AKNAD1: variants seen among roughly 807,000 people sequenced by gnomAD.
The protein encoded by AKNAD1 is AKNA domain containing 1.
In AKNAD1, 67 loss-of-function variants were observed where a neutral mutation model predicts 90.8. The observed-to-expected ratio is 0.74, with a 90% CI of 0.61 to 0.90. AKNAD1 has a LOEUF of 0.90. AKNAD1 is among the 40% of genes least tolerant of loss of function. The pLI is 0.00. For synonymous variants in AKNAD1, 327 were observed against 341.4 expected (o/e 0.96, Z 0.46); for missense variants, 957 against 975.4 (o/e 0.98, Z 0.25).
chr1:108,821,526 T>G (rs1663813038), intron 13 of AKNAD1, among the ~76,000 whole-genome samples: 1 of 152,198 alleles, frequency 6.6e-6, no homozygotes, highest in African/African-American at 2.4e-5. Context: ...GCTTGCTGTG[T>G]GATCTGTGCA....
At chr1:108,828,105 AAC>A (rs946523241) in intron 10 of AKNAD1, among the ~76,000 whole-genome samples, 102 of 151,468 alleles carry the variant, frequency 6.7e-4, no homozygotes, top group African/African-American at 2.3e-3. Context: ...CAAACAAACA[AAC>A]AAACAAACAA....
intron 7 of AKNAD1, among the ~76,000 whole-genome samples, chr1:108,835,563 C>T (rs1438628456): frequency 2.6e-5 from 4 of 152,098 alleles, no homozygotes; most frequent in East Asian, 1.9e-4. Context: ...TTCAGAGTCA[C>T]GCAGAATGTA....
At chr1:108,842,228 A>G (rs905927795) in intron 6 of AKNAD1, among the ~76,000 whole-genome samples, 9 of 152,202 alleles carry the variant, frequency 5.9e-5, no homozygotes, top group African/African-American at 2.2e-4. Flanking sequence ...ACCTTGGGGA[A>G]AAAAATGCCA....
intron 5 of AKNAD1, 142 bp downstream of exon 5, chr1:108,848,610 C>A: frequency 1.4e-6 from 1 of 716,960 alleles, no homozygotes; most frequent in East Asian, 2.7e-5. Flanking sequence ...CTTTTAGCCC[C>A]CATAAACAAA....
rs762068972 is a variant in AKNAD1 at position 108,830,683 on chromosome 1, T to C, written c.1747-33A>G. 40 of 1,608,786 alleles carry C rather than the reference T, an allele frequency of 2.5e-5. 1 individual carries two copies. Among genetic ancestry groups the C allele is most frequent in the Non-Finnish European group, 3.1e-5 (37 of 1,175,526 alleles). On this transcript the variant is annotated intron_variant, in intron 9 of 15. Transcript: ENST00000370001. ...ACAAAGCACACAGATGGAGATGTGA[T>C]AGAGGATGTGACTCACGCCGCGGCT...
intron 14 of AKNAD1, chr1:108,817,394 G>A (rs1663646224): frequency 5.1e-6 from 2 of 393,176 alleles, no homozygotes; most frequent in Non-Finnish European, 9.0e-6. Flanking sequence ...TTTTCTCCCG[G>A]AATTGATCTC....
At chr1:108,850,402 C>T (rs1664815105) in intron 2 of AKNAD1, among the ~76,000 whole-genome samples, 1 of 152,140 alleles carries the variant, frequency 6.6e-6, no homozygotes, top group African/African-American at 2.4e-5. Flanking sequence ...CTCCTGCTAA[C>T]CACGGGGCAC....
intron 6 of AKNAD1, 109 bp from the exon 7 acceptor site, chr1:108,837,815 T>C: frequency 5.6e-6 from 7 of 1,250,384 alleles, no homozygotes; most frequent in Non-Finnish European, 7.9e-6. Flanking sequence ...ATGTGGCCTG[T>C]CTTCTGTCAC....
At chr1:108,845,148 CA>C (rs1664665745) in intron 5 of AKNAD1, among the ~76,000 whole-genome samples, 1 of 152,150 alleles carries the variant, frequency 6.6e-6, no homozygotes, top group South Asian at 2.1e-4. Context: ...AATGAATAAA[CA>C]AGAGTTTGGA....
Position 108,852,381 on chromosome 1 carries a change from A to C in AKNAD1, c.284T>G (p.Leu95Arg). Residue 95 changes from leucine (L) to arginine (R), a missense_variant, in exon 2 of 16, where the codon CTT (leucine) becomes CGT (arginine). Leu to Arg is a moderately radical substitution (Grantham distance 102). Coordinates refer to ENST00000370001, the MANE Select transcript of AKNAD1 (RefSeq NM_152763.5). ...GTCTCCTTCATTTGCTGGAATATGA[A>C]GAGCTGCAGTGCATTGTTTCTCTTT... Reference protein sequence around the residue: ...DEKEKQCTAALHIPANEGDAS... With the variant: ...DEKEKQCTAARHIPANEGDAS... 1 of 1,614,058 alleles carries C rather than the reference A, an allele frequency of 6.2e-7. No homozygotes were observed. Among genetic ancestry groups the C allele is most frequent in the Non-Finnish European group, 8.5e-7 (1 of 1,179,996 alleles).
Position 108,852,760 on chromosome 1 carries a change from G to T in AKNAD1, c.-96C>A. 2 of 1,146,696 alleles carry T rather than the reference G, an allele frequency of 1.7e-6. No homozygotes were observed. Among genetic ancestry groups the T allele is most frequent in the Non-Finnish European group, 2.4e-6 (2 of 829,564 alleles). The allele number at this position is 1,146,696 out of a possible 1,614,324, so 71.0% of individuals were successfully genotyped here. On this transcript the variant is annotated 5_prime_UTR_variant, in exon 2 of 16. Coordinates refer to ENST00000370001, the MANE Select transcript of AKNAD1 (RefSeq NM_152763.5). ...GGTTCTCACTGACTGTCTTCACTGT[G>T]TGCTATTCTGTGTGAAATGAGAACA...
chr1:108,844,667 C>T (rs889356696), intron 5 of AKNAD1, among the ~76,000 whole-genome samples: 8 of 152,006 alleles, frequency 5.3e-5, no homozygotes, highest in Non-Finnish European at 1.2e-4. Flanking sequence ...GTCACTTACT[C>T]ATTGTATGAT....
At chr1:108,817,279 G>T in intron 14 of AKNAD1, 102 bp from the exon 15 acceptor site, 2 of 1,486,976 alleles carry the variant, frequency 1.3e-6, no homozygotes, top group Non-Finnish European at 1.8e-6. Flanking sequence ...TGTGGTTTGG[G>T]TGTGGGTGGA....
intron 1 of AKNAD1, among the ~76,000 whole-genome samples, chr1:108,856,295 G>T (rs17621621): frequency 0.12 from 18,772 of 152,018 alleles, 1,268 homozygotes; most frequent in Middle Eastern, 0.16. Flanking sequence ...ATTGCCAAAC[G>T]CCATACCCTT....
intron 1 of AKNAD1, among the ~76,000 whole-genome samples, chr1:108,854,036 G>A (rs1664960040): frequency 6.6e-6 from 1 of 152,152 alleles, no homozygotes; most frequent in South Asian, 2.1e-4. Flanking sequence ...TTTGGACTCA[G>A]GCAGGAACCT....
intron 14 of AKNAD1, among the ~76,000 whole-genome samples, chr1:108,818,813 A>G (rs1557822946): frequency 1.3e-5 from 2 of 151,986 alleles, no homozygotes; most frequent in Non-Finnish European, 1.5e-5. Flanking sequence ...AAATACAAAA[A>G]TTAGCTGGGC....
chr1:108,831,230 C>T (rs760825969), intron 9 of AKNAD1, among the ~76,000 whole-genome samples: 1 of 152,156 alleles, frequency 6.6e-6, no homozygotes, highest in African/African-American at 2.4e-5. Context: ...GGGCTGTTAC[C>T]ACCCACTGTG....
intron 9 of AKNAD1, 144 bp from the exon 10 acceptor site, chr1:108,830,794 G>A: frequency 1.4e-6 from 1 of 722,132 alleles, no homozygotes; most frequent in Non-Finnish European, 2.4e-6. Flanking sequence ...TCCTCCAGTT[G>A]GGGAAAGGGA....
At chr1:108,819,358 C>G (rs559450559) in intron 14 of AKNAD1, among the ~76,000 whole-genome samples, 1 of 151,946 alleles carries the variant, frequency 6.6e-6, no homozygotes, top group Non-Finnish European at 1.5e-5. Flanking sequence ...GTGGCTCATG[C>G]CTGTAATCCC....
Sources: gnomAD v4.1 joint callset for allele counts (sites outside exome capture counted in the v4.1 genomes callset) on GRCh38, gnomAD v4.1.1 for gene constraint, MANE v1.5 for transcripts, NCBI Gene and HGNC (gene_info 2026-07-23, HGNC 2026-07-21) for gene names.